MID1: variants seen among roughly 807,000 people sequenced by gnomAD.
MID1 encodes midline 1.
In MID1, 7 loss-of-function variants were observed where a neutral mutation model predicts 40.4. The observed-to-expected ratio is 0.17, with a 90% CI of 0.10 to 0.33. The LOEUF is 0.33. Ranked by LOEUF, MID1 falls within the 10% of genes least tolerant of loss-of-function variation. MID1 has a pLI of 1.00. For synonymous variants in MID1, 229 were observed against 221.2 expected (o/e 1.04, Z -0.31); for missense variants, 367 against 558.5 (o/e 0.66, Z 3.46).
chrX:10,739,273 G>A (rs1175315578), intron 1 of MID1, among the ~76,000 whole-genome samples: 1 of 111,642 alleles, frequency 9.0e-6, no homozygotes, highest in African/African-American at 3.3e-5. Flanking sequence ...GGGTGGCATG[G>A]ATCCCCTGTA....
At chrX:10,585,107 G>T (rs1283111852) in intron 1 of MID1, among the ~76,000 whole-genome samples, 3 of 111,391 alleles carry the variant, frequency 2.7e-5, no homozygotes, top group African/African-American at 9.8e-5. Flanking sequence ...GTCAGGGGTG[G>T]AATTTTAACT....
chrX:10,451,522 T>G (rs1008216696), intron 9 of MID1, among the ~76,000 whole-genome samples: 1 of 111,297 alleles, frequency 9.0e-6, no homozygotes, highest in Non-Finnish European at 1.9e-5. Context: ...GTGGCATGCA[T>G]CGAGGGTCTC....
At chrX:10,833,152 G>A (rs188664708) in intron 1 of MID1, among the ~76,000 whole-genome samples, 24 of 112,027 alleles carry the variant, frequency 2.1e-4, no homozygotes, top group Admixed American at 1.0e-3. Context: ...TTACGCTTTT[G>A]CAGAATATCA....
At chrX:10,526,390 G>C (rs1319735580) in intron 2 of MID1, among the ~76,000 whole-genome samples, 1 of 111,233 alleles carries the variant, frequency 9.0e-6, no homozygotes, top group Non-Finnish European at 1.9e-5. Context: ...TCAGAGACTA[G>C]AGGATGATTT....
At chrX:10,580,520 A>G (rs1262108109) in intron 1 of MID1, among the ~76,000 whole-genome samples, 1 of 111,239 alleles carries the variant, frequency 9.0e-6, no homozygotes, top group African/African-American at 3.3e-5. Context: ...CATGGTGGTA[A>G]TATCTTATAC....
At chrX:10,780,336 G>C (rs927327598) in intron 1 of MID1, among the ~76,000 whole-genome samples, 1 of 111,420 alleles carries the variant, frequency 9.0e-6, no homozygotes, top group African/African-American at 3.3e-5. Flanking sequence ...GTGTCCATTA[G>C]CTGAGAAAAT....
At chrX:10,659,681 G>A (rs1226650615) in intron 1 of MID1, among the ~76,000 whole-genome samples, 2 of 111,486 alleles carry the variant, frequency 1.8e-5, no homozygotes, top group Non-Finnish European at 3.8e-5. Context: ...GCTTAAAAAA[G>A]GGGGGTGGGG....
chrX:10,797,855 C>T (rs756739701), intron 1 of MID1, among the ~76,000 whole-genome samples: 2 of 111,739 alleles, frequency 1.8e-5, no homozygotes, highest in South Asian at 7.6e-4. Flanking sequence ...TTAAAAATCT[C>T]CCCAGTGCAG....
chrX:10,605,696 T>C (rs1935612122), intron 1 of MID1, among the ~76,000 whole-genome samples: 1 of 111,934 alleles, frequency 8.9e-6, no homozygotes, highest in Admixed American at 9.5e-5. Flanking sequence ...TAATACATTT[T>C]TTAAAAAGTA....
At chrX:10,726,033 GT>G (rs923139985) in intron 1 of MID1, among the ~76,000 whole-genome samples, 2 of 112,094 alleles carry the variant, frequency 1.8e-5, no homozygotes, top group African/African-American at 6.5e-5. Context: ...CAAGGTAGAA[GT>G]TTTTTTCTTT....
intron 1 of MID1, among the ~76,000 whole-genome samples, chrX:10,817,223 CTT>C (rs951913538): frequency 6.0e-4 from 67 of 112,192 alleles, no homozygotes; most frequent in African/African-American, 2.1e-3. Context: ...GATCTGTGCT[CTT>C]TAATTTTTAC....
intron 1 of MID1, among the ~76,000 whole-genome samples, chrX:10,786,171 A>G (rs2043881617): frequency 8.9e-6 from 1 of 112,311 alleles, no homozygotes; most frequent in South Asian, 3.7e-4. Context: ...ATGAACAGAC[A>G]CTTCTCAAAA....
intron 1 of MID1, among the ~76,000 whole-genome samples, chrX:10,628,234 T>C (rs986197150): frequency 9.0e-6 from 1 of 110,983 alleles, no homozygotes; most frequent in African/African-American, 3.3e-5. Flanking sequence ...ATTCCCCTGA[T>C]GCAAAATAAA....
intron 2 of MID1, among the ~76,000 whole-genome samples, chrX:10,560,062 T>C (rs1012186778): frequency 9.1e-6 from 1 of 109,850 alleles, no homozygotes. Flanking sequence ...TTTATTTTTA[T>C]TTTTAGTAGA....
intron 1 of MID1, among the ~76,000 whole-genome samples, chrX:10,578,499 G>T (rs1453845132): frequency 8.9e-6 from 1 of 112,473 alleles, no homozygotes; most frequent in Non-Finnish European, 1.9e-5. Context: ...ATCTTCTAAA[G>T]GGCATAATCT....
chrX:10,758,604 C>T (rs1057141716), intron 1 of MID1, among the ~76,000 whole-genome samples: 13 of 104,895 alleles, frequency 1.2e-4, no homozygotes, highest in Non-Finnish European at 1.7e-4. Flanking sequence ...CATTCTCCTG[C>T]CTCAGCCTCC....
chrX:10,693,975 AC>A (rs2043146123), intron 1 of MID1, among the ~76,000 whole-genome samples: 1 of 112,456 alleles, frequency 8.9e-6, no homozygotes, highest in South Asian at 3.7e-4. Flanking sequence ...CTCACTCAGA[AC>A]CCAAGAGTTG....
chrX:10,538,968 T>A (rs989851656), intron 2 of MID1, among the ~76,000 whole-genome samples: 4 of 112,433 alleles, frequency 3.6e-5, no homozygotes, highest in Non-Finnish European at 3.7e-5. Flanking sequence ...ATTTAAGACA[T>A]CAAGCCATAG....
chrX:10,775,445 A>G (rs1268760328), intron 1 of MID1, among the ~76,000 whole-genome samples: 1 of 111,407 alleles, frequency 9.0e-6, no homozygotes, highest in Non-Finnish European at 1.9e-5. Context: ...GCTTCTTGGC[A>G]TTGGAGAGAG....
Sources: gnomAD v4.1 joint callset for allele counts (sites outside exome capture counted in the v4.1 genomes callset) on GRCh38, gnomAD v4.1.1 for gene constraint, MANE v1.5 for transcripts, NCBI Gene and HGNC (gene_info 2026-07-23, HGNC 2026-07-21) for gene names.